The following FEZ2 variants were observed in gnomAD, a reference collection of about 807,000 sequenced individuals.
FEZ2 encodes fasciculation and elongation protein zeta-2.
In FEZ2, 51 loss-of-function variants were observed where a neutral mutation model predicts 40.4. The ratio of observed to expected loss-of-function variants is 1.26; its 90% CI spans 1.01 to 1.59. FEZ2 has a LOEUF of 1.59. FEZ2 is among the 40% of genes most tolerant of loss of function. FEZ2 has a pLI of 0.00. For synonymous variants in FEZ2, 242 were observed against 172.0 expected, an observed-to-expected ratio of 1.41 and a Z score of -3.18; for missense variants, 640 against 438.3, an observed-to-expected ratio of 1.46 and a Z score of -4.11.
At chr2:36,561,118 A>G (rs1668081495) in intron 5 of FEZ2, among the ~76,000 whole-genome samples, 1 of 152,254 alleles carries the variant, frequency 6.6e-6, no homozygotes, top group Non-Finnish European at 1.5e-5. Context: ...GATGTAGCTA[A>G]TTGTTCCAAT....
At chr2:36,564,432 T>C (rs185977529) in intron 5 of FEZ2, among the ~76,000 whole-genome samples, 1 of 152,324 alleles carries the variant, frequency 6.6e-6, no homozygotes, top group Non-Finnish European at 1.5e-5. Context: ...CTGAGCCAGA[T>C]ACCATTCCAG....
chr2:36,556,368 A>T (rs1418659323), intron 6 of FEZ2: 1 of 156,888 alleles, frequency 6.4e-6, no homozygotes, highest in Non-Finnish European at 1.4e-5. Context: ...AGTAAAAACT[A>T]AAATAGAAAA....
intron 4 of FEZ2, among the ~76,000 whole-genome samples, chr2:36,579,714 T>C (rs1401465851): frequency 1.3e-5 from 2 of 152,090 alleles, no homozygotes; most frequent in African/African-American, 4.8e-5. Context: ...TTCGTATAAA[T>C]TACCCAGTTT....
chr2:36,568,231 T>C (rs548959506), intron 5 of FEZ2, among the ~76,000 whole-genome samples: 4 of 151,988 alleles, frequency 2.6e-5, no homozygotes, highest in African/African-American at 9.7e-5. Context: ...AAGCATTTCT[T>C]TGATAACATT....
At chr2:36,572,279 GCCA>G (rs1668441115) in intron 5 of FEZ2, among the ~76,000 whole-genome samples, 1 of 152,160 alleles carries the variant, frequency 6.6e-6, no homozygotes, top group Admixed American at 6.6e-5. Flanking sequence ...AGATTGGCTG[GCCA>G]AGGTGTCACT....
chr2:36,564,779 C>T (rs1436629310), intron 5 of FEZ2, among the ~76,000 whole-genome samples: 3 of 152,110 alleles, frequency 2.0e-5, no homozygotes, highest in Non-Finnish European at 2.9e-5. Context: ...CGGGAGTTCA[C>T]GCCACAGCTA....
intron 7 of FEZ2, chr2:36,554,155 T>C (rs760762873): frequency 1.1e-4 from 50 of 469,572 alleles, no homozygotes; most frequent in Non-Finnish European, 2.2e-4. Context: ...ACAGTATAGA[T>C]AGAACTGGGC....
intron 5 of FEZ2, among the ~76,000 whole-genome samples, chr2:36,562,911 T>A (rs993944797): frequency 2.6e-5 from 4 of 152,218 alleles, no homozygotes; most frequent in African/African-American, 9.6e-5. Context: ...CCATTATCTA[T>A]GAGCATGTTT....
intron 7 of FEZ2, 116 bp from the exon 8 acceptor site, chr2:36,553,295 G>A (rs1667868994): frequency 2.5e-6 from 2 of 800,406 alleles, no homozygotes; most frequent in East Asian, 5.4e-5. Flanking sequence ...AAATGTTAAT[G>A]CAAAGATCTA....
chr2:36,572,001 T>G (rs1266339791), intron 5 of FEZ2, among the ~76,000 whole-genome samples: 1 of 127,236 alleles, frequency 7.9e-6, no homozygotes, highest in African/African-American at 3.0e-5. Flanking sequence ...AGCGGCTGAG[T>G]GAGACTCCGT....
chr2:36,569,762 C>T (rs935719336), intron 5 of FEZ2, among the ~76,000 whole-genome samples: 2 of 152,142 alleles, frequency 1.3e-5, no homozygotes, highest in Non-Finnish European at 2.9e-5. Context: ...GTTTCTCAGC[C>T]TCACCTGACA....
intron 2 of FEZ2, among the ~76,000 whole-genome samples, chr2:36,586,263 C>T (rs995938642): frequency 3.3e-5 from 5 of 152,314 alleles, no homozygotes; most frequent in Admixed American, 2.6e-4. Context: ...AATCACTCTT[C>T]CTATGTTGCA....
chr2:36,579,641 C>CG (rs1414994852), intron 4 of FEZ2, among the ~76,000 whole-genome samples: 1 of 152,162 alleles, frequency 6.6e-6, no homozygotes, highest in African/African-American at 2.4e-5. Flanking sequence ...GAGGCCCCCC[C>CG]AGAAGCAGAT....
intron 1 of FEZ2, among the ~76,000 whole-genome samples, chr2:36,596,641 A>AT (rs1399685377): frequency 6.6e-6 from 1 of 151,820 alleles, no homozygotes; most frequent in Admixed American, 6.6e-5. Flanking sequence ...TTTTTTTTTA[A>AT]TTTTTTTGTA....
Position 36,553,194 on chromosome 2 carries a change from G to A in FEZ2, c.1046-15C>T. 6.5e-7 allele frequency: 1 copy of A among 1,543,080 alleles called. No individual in the cohort carries two copies. Among genetic ancestry groups the A allele is most frequent in the Non-Finnish European group, 8.8e-7 (1 of 1,137,328 alleles). On this transcript the variant is annotated splice_polypyrimidine_tract_variant and intron_variant, in intron 7 of 7. Coordinates refer to ENST00000405912, the MANE Select transcript of FEZ2 (RefSeq NM_005102.3). ...AGGACACAGAACTAGAAGAAAAAGA[G>A]AACTTTTAGCTACAAATGTATATTT...
At chr2:36,573,865 G>C (rs903156218) in intron 5 of FEZ2, among the ~76,000 whole-genome samples, 1 of 152,216 alleles carries the variant, frequency 6.6e-6, no homozygotes, top group Non-Finnish European at 1.5e-5. Flanking sequence ...TTGGCGGGAG[G>C]TGTGGGAAAA....
Position 36,581,423 on chromosome 2 carries a change from T to C in FEZ2, c.501A>G (p.Glu167=). The C allele has an allele frequency of 3.1e-6, 5 of 1,613,522 alleles. No individual in the cohort carries two copies. The highest frequency in any genetic ancestry group is 4.2e-6 in the Non-Finnish European group (5 of 1,179,500). Residue 167 remains glutamate (E), a synonymous_variant, in exon 4 of 8, where the codon GAA becomes GAG. Transcript: ENST00000405912. ...ATTCCTGCATCATTTCTTCAATTTC[T>C]TCAATAACCTTCGAAAACACACACA... ...EPLFTADQVI[E]EIEEMMQESP... is the part of the protein sequence containing the mutation.
At chr2:36,586,163 G>A (rs1427983951) in intron 2 of FEZ2, among the ~76,000 whole-genome samples, 2 of 152,150 alleles carry the variant, frequency 1.3e-5, no homozygotes, top group African/African-American at 4.8e-5. Context: ...GTGGCACACT[G>A]TGATCACAAA....
Position 36,552,400 on chromosome 2 carries a change from C to T in FEZ2, c.*763G>A, listed in dbSNP as rs990521967. ...ACACAGGCATGAATAAAATAGGACACAGTAATGAGAATGGGCAGTTCTGCA... is the reference window on the plus strand; with the variant it reads ...ACACAGGCATGAATAAAATAGGACATAGTAATGAGAATGGGCAGTTCTGCA... On this transcript the variant is annotated 3_prime_UTR_variant, in exon 8 of 8. Coordinates refer to ENST00000405912, the MANE Select transcript of FEZ2 (RefSeq NM_005102.3). 3 of 366,040 alleles carry T rather than the reference C, an allele frequency of 8.2e-6. No individual in the cohort carries two copies. The highest frequency in any genetic ancestry group is 6.4e-5 in the African/African-American group (3 of 46,846). 22.7% of individuals were successfully genotyped at this position (366,040 alleles called of 1,614,324 possible).
Sources: gnomAD v4.1 joint callset for allele counts (sites outside exome capture counted in the v4.1 genomes callset) on GRCh38, gnomAD v4.1.1 for gene constraint, MANE v1.5 for transcripts, NCBI Gene and HGNC (gene_info 2026-07-23, HGNC 2026-07-21) for gene names.